PARVG: variants seen among roughly 807,000 people sequenced by gnomAD.
PARVG encodes gamma-parvin.
A neutral mutation model predicts 44.4 loss-of-function variants in PARVG; 36 were observed. The ratio of observed to expected loss-of-function variants is 0.81; its 90% CI spans 0.62 to 1.07. The LOEUF is 1.07. Ranked by LOEUF, PARVG falls within the 50% of genes least tolerant of loss-of-function variation. The pLI, the probability that PARVG is intolerant of heterozygous loss-of-function variation, is 0.00. For missense variants in PARVG, 407 were observed against 407.4 expected (o/e 1.00, Z 0.01); for synonymous variants, 170 against 174.1 (o/e 0.98, Z 0.19).
intron 4 of PARVG, 197 bp from the exon 5 acceptor site, chr22:44,187,579 C>T: frequency 1.6e-6 from 1 of 614,894 alleles, no homozygotes; most frequent in Admixed American, 2.6e-5. Flanking sequence ...TGGAGAGAAG[C>T]AGGGAGTCTG....
At position 44,192,095 on chromosome 22, in the gene PARVG, C is replaced by G; in HGVS notation, c.551C>G (p.Thr184Ser). Residue 184 changes from threonine (T) to serine (S), a missense_variant, in exon 8 of 14, where the codon ACT (threonine) becomes AGT (serine). Transcript: ENST00000444313. ...TCAGAGAAGTTGGTGGAACAGCTCA[C>G]TGAATACAGGTGAGGGAAGGATGAG... ...LKSEKLVEQL[T>S]EYSTDKDEPP... The G allele has an allele frequency of 6.2e-7, 1 of 1,612,110 alleles. No homozygotes were observed. The highest frequency in any genetic ancestry group is 1.1e-5 in the South Asian group (1 of 91,052).
upstream of PARVG, among the ~76,000 whole-genome samples, chr22:44,176,425 T>C (rs2054319453): frequency 6.6e-6 from 1 of 152,176 alleles, no homozygotes; most frequent in Non-Finnish European, 1.5e-5. Context: ...ATATTTTTAA[T>C]TCGTGGTTGG....
At chr22:44,174,443 A>G (rs2054299515) in intron 1 of PARVG, among the ~76,000 whole-genome samples, 1 of 152,180 alleles carries the variant, frequency 6.6e-6, no homozygotes. Flanking sequence ...GCTCTGGCTC[A>G]TGCCTGTAAT....
intron 3 of PARVG, chr22:44,185,315 T>C (rs1010934896): frequency 2.6e-5 from 4 of 156,060 alleles, no homozygotes; most frequent in African/African-American, 9.6e-5. Context: ...ATTTTGTGGG[T>C]TCTGTGAGTC....
At position 44,188,831 on chromosome 22, in the gene PARVG, G is replaced by A. The variant is rs549496928; in HGVS notation, c.248-283G>A. 27 of 471,408 alleles carry A rather than the reference G, an allele frequency of 5.7e-5. 1 individual carries two copies. The South Asian group carries it at 6.9e-4, about 12-fold the overall frequency. The allele number at this position is 471,408 out of a possible 1,614,324, so 29.2% of individuals were successfully genotyped here. A position where few individuals can be genotyped will look rare whatever the true frequency, so the allele number is the denominator to read the frequency against. On this transcript the variant is annotated intron_variant, in intron 5 of 13. Transcript: ENST00000444313. ...GGGGCTGCAGGCACAGGCTGATCAA[G>A]GTGAGGTGGGCTCTCTCAACCAGCT...
chr22:44,192,767 G>A (rs149752219), intron 8 of PARVG, among the ~76,000 whole-genome samples: 2 of 151,718 alleles, frequency 1.3e-5, no homozygotes, highest in Non-Finnish European at 2.9e-5. Context: ...GCCCACTGGG[G>A]CTGGCCATAC....
chr22:44,188,080 C>T (rs1241254619), intron 5 of PARVG: 2 of 611,282 alleles, frequency 3.3e-6, no homozygotes, highest in Non-Finnish European at 5.8e-6. Flanking sequence ...CGAGCTGGGG[C>T]TCAGGGTGGG....
At chr22:44,199,733 T>C (rs540884902) in intron 12 of PARVG, among the ~76,000 whole-genome samples, 10 of 152,252 alleles carry the variant, frequency 6.6e-5, no homozygotes, top group South Asian at 6.2e-4. Context: ...AGGGATTGGT[T>C]TGCAGAGTTA....
At chr22:44,185,961 C>A in intron 4 of PARVG, 89 bp downstream of exon 4, 1 of 1,338,002 alleles carries the variant, frequency 7.5e-7, no homozygotes. Context: ...GCAGGCTGTC[C>A]CCACTCCTTG....
chr22:44,197,751 T>C (rs1275634155), intron 11 of PARVG, among the ~76,000 whole-genome samples: 1 of 152,192 alleles, frequency 6.6e-6, no homozygotes, highest in Non-Finnish European at 1.5e-5. Flanking sequence ...GAATTGTGAG[T>C]GATACATGAG....
At chr22:44,198,230 A>T (rs1300267369) in intron 11 of PARVG, among the ~76,000 whole-genome samples, 1 of 152,246 alleles carries the variant, frequency 6.6e-6, no homozygotes, top group African/African-American at 2.4e-5. Flanking sequence ...CAGACAGAAC[A>T]GACAGAAATA....
In PARVG at chr22:44,206,404, C is replaced by A. The variant is rs200951064; in HGVS notation, c.974C>A (p.Thr325Lys). The A allele has an allele frequency of 3.1e-6, 5 of 1,614,042 alleles. No individual in the cohort carries two copies. In the East Asian group the frequency reaches 1.1e-4, roughly 36 times the overall value. Residue 325 changes from threonine to lysine, a missense_variant, in exon 14 of 14, where the codon ACG becomes AAG. Coordinates refer to ENST00000444313, the MANE Select transcript of PARVG (RefSeq NM_022141.7). Reference protein sequence around the residue: ...KHTQKAHRDRTPHGAPN With the variant: ...KHTQKAHRDRKPHGAPN ...ACGCAGAAGGCACACAGGGACAGGA[C>A]GCCCCATGGAGCCCCGAATTGACCC...
chr22:44,178,640 G>A (rs2054340336), upstream of PARVG, among the ~76,000 whole-genome samples: 1 of 152,196 alleles, frequency 6.6e-6, no homozygotes, highest in African/African-American at 2.4e-5. Flanking sequence ...GGAAATGACA[G>A]AAGTGATAGA....
In PARVG at chr22:44,192,231, C is replaced by G. The variant is rs1040258147; in HGVS notation, c.560+127C>G. The G allele has an allele frequency of 2.8e-5, 31 of 1,104,964 alleles. No individual in the cohort carries two copies. In the South Asian group the frequency reaches 3.9e-4, roughly 14 times the overall value. 68.4% of individuals were successfully genotyped at this position (1,104,964 alleles called of 1,614,324 possible). On this transcript the variant is annotated intron_variant, in intron 8 of 13. Coordinates refer to ENST00000444313, the MANE Select transcript of PARVG (RefSeq NM_022141.7). ...GCCCTCACATTCTGTGGCTTTCTCT[C>G]AGACCCGAAAATGCTGCGCTGACCT...
Position 44,181,152 on chromosome 22 carries a change from GC to G in PARVG, c.-219del. On this transcript the variant is annotated 5_prime_UTR_variant, in exon 1 of 14. An upstream open reading frame in the 5' UTR loses its in-frame stop. Coordinates refer to ENST00000444313, the MANE Select transcript of PARVG (RefSeq NM_022141.7). ...ACCACCACCAATATTTATTCACTGA[GC>G]CCACTTTGTGCCAAGCATTGTTCTA... 1 of 398,482 alleles carries G rather than the reference GC, an allele frequency of 2.5e-6. No individual in the cohort carries two copies. The highest frequency in any genetic ancestry group is 3.4e-6 in the Non-Finnish European group (1 of 293,306). 24.7% of individuals were successfully genotyped at this position (398,482 alleles called of 1,614,324 possible).
intron 12 of PARVG, among the ~76,000 whole-genome samples, chr22:44,199,636 G>A (rs1018591486): frequency 6.6e-6 from 1 of 152,240 alleles, no homozygotes; most frequent in African/African-American, 2.4e-5. Context: ...GCCTGGGTCA[G>A]AGGAGGGGCC....
Position 44,189,126 on chromosome 22 carries a change from C to A in PARVG, c.260C>A (p.Ala87Glu), listed in dbSNP as rs138075453. The change falls in exon 6 of 14, where the codon GCG (alanine) becomes GAG (glutamate). Residue 87 changes from alanine to glutamate, a missense_variant. Coordinates refer to ENST00000444313, the MANE Select transcript of PARVG (RefSeq NM_022141.7). ...CTCCTGCCTCCAGAGAGGCTGGCGGCGCTCAAGCTGGAAGCAGAGGACATC... is the reference window on the plus strand; with the variant it reads ...CTCCTGCCTCCAGAGAGGCTGGCGGAGCTCAAGCTGGAAGCAGAGGACATC... ...ILHHLFQRLAALKLEAEDIAL... is the reference protein window; with the variant it reads ...ILHHLFQRLAELKLEAEDIAL... The A allele has an allele frequency of 1.9e-6, 3 of 1,613,292 alleles. No individual in the cohort carries two copies. Among genetic ancestry groups the A allele is most frequent in the Non-Finnish European group, 2.5e-6 (3 of 1,179,972 alleles).
At chr22:44,192,249 G>A (rs2054558295) in intron 8 of PARVG, 145 bp downstream of exon 8, 5 of 881,914 alleles carry the variant, frequency 5.7e-6, no homozygotes, top group South Asian at 3.2e-5. Context: ...AAAATGCTGC[G>A]CTGACCTCTC....
intron 12 of PARVG, among the ~76,000 whole-genome samples, chr22:44,205,380 C>T (rs557816549): frequency 5.9e-5 from 9 of 152,332 alleles, no homozygotes; most frequent in African/African-American, 9.6e-5. Context: ...CCCTGCCTGG[C>T]GGGACTCACC....
Sources: gnomAD v4.1 joint callset for allele counts (sites outside exome capture counted in the v4.1 genomes callset) on GRCh38, gnomAD v4.1.1 for gene constraint, MANE v1.5 for transcripts, NCBI Gene and HGNC (gene_info 2026-07-23, HGNC 2026-07-21) for gene names.